Variants in CELF4 observed in about 807,000 individuals in gnomAD.
CELF4 encodes the protein CUG-BP- and ETR-3-like factor 4.
In CELF4, 18 loss-of-function variants were observed where a neutral mutation model predicts 59.9. The ratio of observed to expected loss-of-function variants is 0.30; its 90% CI spans 0.21 to 0.45. The LOEUF (loss-of-function observed/expected upper bound fraction) is 0.45, where lower values mean the gene tolerates loss of function less well. CELF4 is among the 20% of genes least tolerant of loss of function. The probability of loss-of-function intolerance (pLI) is 1.00; values close to 1 mark genes in which losing one functional copy is unlikely to be tolerated. For synonymous variants in CELF4, 261 were observed against 267.1 expected, an observed-to-expected ratio of 0.98 and a Z score of 0.22; for missense variants, 456 against 689.0, an observed-to-expected ratio of 0.66 and a Z score of 3.79.
At chr18:37,505,693 G>A (rs2099937015) in intron 1 of CELF4, among the ~76,000 whole-genome samples, 1 of 152,164 alleles carries the variant, frequency 6.6e-6, no homozygotes, top group African/African-American at 2.4e-5. Flanking sequence ...TCCCATCTGG[G>A]CTCTACCACT....
chr18:37,266,368 A>C, intron 9 of CELF4, 165 bp downstream of exon 9: 13 of 707,134 alleles, frequency 1.8e-5, no homozygotes, highest in East Asian at 5.8e-5. Context: ...GCCCGCTGAC[A>C]AGAAGGCAGC....
At chr18:37,421,191 C>T (rs1445400838) in intron 2 of CELF4, among the ~76,000 whole-genome samples, 1 of 152,230 alleles carries the variant, frequency 6.6e-6, no homozygotes, top group Non-Finnish European at 1.5e-5. Flanking sequence ...GGGCTAACCC[C>T]ACTCTCTCAG....
intron 2 of CELF4, among the ~76,000 whole-genome samples, chr18:37,405,859 T>C (rs1168410984): frequency 6.6e-6 from 1 of 151,278 alleles, no homozygotes. Flanking sequence ...AGGCCAGGCA[T>C]GGGGTGGTGG....
intron 1 of CELF4, among the ~76,000 whole-genome samples, chr18:37,528,582 G>C (rs1297179387): frequency 6.6e-6 from 1 of 152,224 alleles, no homozygotes; most frequent in African/African-American, 2.4e-5. Flanking sequence ...GTGCATGGCA[G>C]TGCGGGGAGC....
intron 2 of CELF4, among the ~76,000 whole-genome samples, chr18:37,403,922 C>T (rs1454865957): frequency 1.3e-5 from 2 of 152,194 alleles, no homozygotes; most frequent in African/African-American, 2.4e-5. Context: ...GGTCCACTTC[C>T]TTACCTCAGG....
At chr18:37,340,563 G>C (rs1325460488) in intron 2 of CELF4, among the ~76,000 whole-genome samples, 1 of 152,184 alleles carries the variant, frequency 6.6e-6, no homozygotes, top group East Asian at 1.9e-4. Context: ...AACCATTCCT[G>C]GGCTGAGTTC....
intron 2 of CELF4, among the ~76,000 whole-genome samples, chr18:37,386,021 A>C (rs2154571523): frequency 6.6e-6 from 1 of 152,314 alleles, no homozygotes; most frequent in South Asian, 2.1e-4. Context: ...TGCAATTCTA[A>C]ATATGGCCAC....
intron 2 of CELF4, among the ~76,000 whole-genome samples, chr18:37,380,543 C>T (rs545296785): frequency 8.5e-5 from 13 of 152,256 alleles, no homozygotes; most frequent in African/African-American, 2.9e-4. Context: ...ATCCATTCTC[C>T]ATCCATCTAT....
intron 3 of CELF4, chr18:37,276,679 T>C (rs2093343894): frequency 6.6e-6 from 1 of 152,148 alleles, no homozygotes. Flanking sequence ...GAGACAGGCC[T>C]TCCATGCTGT....
intron 1 of CELF4, among the ~76,000 whole-genome samples, chr18:37,488,213 C>G (rs1168252162): frequency 6.6e-6 from 1 of 152,186 alleles, no homozygotes; most frequent in Non-Finnish European, 1.5e-5. Flanking sequence ...TAGCATAGCC[C>G]TGCACCCACA....
chr18:37,550,929 A>G (rs2099983012), intron 1 of CELF4, among the ~76,000 whole-genome samples: 1 of 152,250 alleles, frequency 6.6e-6, no homozygotes, highest in Admixed American at 6.5e-5. Flanking sequence ...CCAGGGACAC[A>G]TCGGCCCAGT....
At chr18:37,502,998 G>A (rs571866526) in intron 1 of CELF4, among the ~76,000 whole-genome samples, 3 of 152,216 alleles carry the variant, frequency 2.0e-5, no homozygotes, top group Non-Finnish European at 4.4e-5. Flanking sequence ...ACAGTACCAG[G>A]TCGGGTGGGT....
At chr18:37,357,839 G>A (rs1027724843) in intron 2 of CELF4, among the ~76,000 whole-genome samples, 2 of 152,188 alleles carry the variant, frequency 1.3e-5, no homozygotes, top group African/African-American at 4.8e-5. Context: ...AGATTTGACT[G>A]TCCCACTGGA....
At chr18:37,331,437 G>A (rs2097539110) in intron 2 of CELF4, among the ~76,000 whole-genome samples, 1 of 152,196 alleles carries the variant, frequency 6.6e-6, no homozygotes, top group South Asian at 2.1e-4. Flanking sequence ...TCAAGGGGAT[G>A]AGGGGAAGGT....
intron 1 of CELF4, among the ~76,000 whole-genome samples, chr18:37,536,327 C>G (rs937088227): frequency 1.3e-5 from 2 of 152,096 alleles, no homozygotes; most frequent in Non-Finnish European, 2.9e-5. Context: ...TCCCAAGGGA[C>G]AGGTGTTAGG....
intron 2 of CELF4, among the ~76,000 whole-genome samples, chr18:37,363,691 T>G (rs1277152593): frequency 6.6e-6 from 1 of 152,226 alleles, no homozygotes; most frequent in East Asian, 1.9e-4. Context: ...GGCATGTTAT[T>G]TAGCATGGCT....
intron 2 of CELF4, among the ~76,000 whole-genome samples, chr18:37,447,817 A>C (rs2099752376): frequency 6.6e-6 from 1 of 152,200 alleles, no homozygotes; most frequent in Non-Finnish European, 1.5e-5. Context: ...TCATTCACTT[A>C]TTCAGTGCCT....
intron 10 of CELF4, among the ~76,000 whole-genome samples, chr18:37,263,453 T>A (rs541703547): frequency 6.6e-6 from 1 of 152,246 alleles, no homozygotes; most frequent in South Asian, 2.1e-4. Flanking sequence ...CGGAAGGCTC[T>A]GACCACATGG....
chr18:37,416,476 C>T (rs970743753), intron 2 of CELF4, among the ~76,000 whole-genome samples: 1 of 152,162 alleles, frequency 6.6e-6, no homozygotes, highest in African/African-American at 2.4e-5. Flanking sequence ...GTCTTTTTAG[C>T]CCAAGATTCC....
Sources: allele counts gnomAD v4.1 joint callset (sites outside exome capture counted in the v4.1 genomes callset), GRCh38; gene constraint gnomAD v4.1.1; transcripts MANE v1.5; gene names NCBI Gene and HGNC (gene_info 2026-07-23, HGNC 2026-07-21).